Variants in CHCHD5 observed in about 807,000 individuals in gnomAD.
CHCHD5 encodes the protein coiled-coil-helix-coiled-coil-helix domain containing 5.
In CHCHD5, 10 loss-of-function variants were observed where a neutral mutation model predicts 16.0. The ratio of observed to expected loss-of-function variants is 0.63; its 90% CI spans 0.39 to 1.06. CHCHD5 has a LOEUF of 1.06. Among genes scored for constraint, CHCHD5 ranks in the 50% least tolerant of loss-of-function variants. The pLI is 0.01. For missense variants in CHCHD5, 163 were observed against 153.4 expected, an observed-to-expected ratio of 1.06 and a Z score of -0.33; for synonymous variants, 55 against 56.3, an observed-to-expected ratio of 0.98 and a Z score of 0.10.
chr2:112,584,494 G>A (rs528909726), upstream of CHCHD5: 477 of 876,152 alleles, frequency 5.4e-4, 5 homozygotes, highest in East Asian at 8.2e-3. Context: ...GAGGTAGGGC[G>A]CCGCCGTGAC....
Position 112,586,346 on chromosome 2 carries a change from G to A in CHCHD5, c.290G>A (p.Arg97His), listed in dbSNP as rs1276029855. 6.2e-6 allele frequency: 10 copies of A among 1,614,080 alleles called. 1 individual carries two copies. The highest frequency in any genetic ancestry group is 3.3e-5 in the South Asian group (3 of 91,086). The change falls in exon 3 of 4, where the codon CGC (arginine) becomes CAC (histidine). Residue 97 changes from arginine (R) to histidine (H), a missense_variant. By Grantham distance (29) the Arg-to-His change is conservative (BLOSUM62 0). Transcript: ENST00000324913. ...LQCAEQVQPP[R>H]SPATVEAQPL... ...TGCGCTGAGCAGGTGCAGCCGCCAC[G>A]CTCACCTGCAACTGTGGAGGTAAGA...
rs554568362 is a variant in CHCHD5, at chr2:112,586,265, G to C, written c.209G>C (p.Arg70Pro). The change falls in exon 3 of 4, where the codon CGA becomes CCA. Residue 70 changes from arginine (R) to proline (P), a missense_variant. Transcript: ENST00000324913. ...QPFEAFEECL[R>P]QNEAAVGNCA... ...TTTGAGGCCTTCGAGGAGTGTCTTC[G>C]ACAGAACGAGGCAGCTGTGGGCAAC... 3 of 1,614,086 alleles carry C rather than the reference G, an allele frequency of 1.9e-6. No individual in the cohort carries two copies. Among genetic ancestry groups the C allele is most frequent in the East Asian group, 2.2e-5 (1 of 44,892 alleles).
intron 1 of CHCHD5, 77 bp from the exon 2 acceptor site, chr2:112,585,897 A>G (rs1419568312): frequency 1.3e-6 from 2 of 1,511,882 alleles, no homozygotes; most frequent in East Asian, 4.6e-5. Flanking sequence ...CCCTGTCTCT[A>G]AAAAATAAAA....
intron 3 of CHCHD5, 113 bp downstream of exon 3, chr2:112,586,478 C>T (rs777153352): frequency 2.6e-6 from 4 of 1,562,448 alleles, no homozygotes; most frequent in South Asian, 1.2e-5. Flanking sequence ...CATCACCACA[C>T]AGGCCTTTGC....
chr2:112,584,569 T>A (rs1227807152), upstream of CHCHD5: 2 of 1,596,286 alleles, frequency 1.3e-6, no homozygotes, highest in African/African-American at 2.7e-5. Context: ...CAGGCTGGGC[T>A]GGGCGCCGCC....
intron 3 of CHCHD5, chr2:112,586,569 C>T (rs997355283): frequency 7.2e-6 from 11 of 1,518,094 alleles, no homozygotes; most frequent in Admixed American, 2.0e-5. Flanking sequence ...TCACCCTCCA[C>T]CTCCAGGATA....
chr2:112,587,735 A>C (rs1685263684), intron 3 of CHCHD5: 1 of 152,240 alleles, frequency 6.6e-6, no homozygotes, highest in South Asian at 2.1e-4. Flanking sequence ...GGCAGAAACT[A>C]CGACCCCTGA....
chr2:112,586,899 A>C, intron 3 of CHCHD5: 1 of 262,460 alleles, frequency 3.8e-6, no homozygotes, highest in South Asian at 7.7e-5. Context: ...TGTAAACCAG[A>C]TATACAGTAT....
chr2:112,585,074 A>G (rs908117341), intron 1 of CHCHD5, among the ~76,000 whole-genome samples: 3 of 152,044 alleles, frequency 2.0e-5, no homozygotes, highest in Non-Finnish European at 1.5e-5. Context: ...GTCCTCACCT[A>G]TAGGGTCCAC....
intron 1 of CHCHD5, 28 bp downstream of exon 1, chr2:112,584,677 C>T (rs756304407): frequency 1.9e-6 from 3 of 1,613,658 alleles, no homozygotes; most frequent in Admixed American, 3.3e-5. Flanking sequence ...CTACCCCATA[C>T]GTGCTGCCGC....
chr2:112,588,934 CACGCCCCT>C lies in CHCHD5; in HGVS notation c.*46_*53del. Reference sequence around the variant, plus strand: ...AAAACTGGACATGAATGACTGCCCCCACGCCCCTCCCCTGCAGAGTGGCCAGATGGAGT... The same window carrying C: ...AAAACTGGACATGAATGACTGCCCCCCCCCTGCAGAGTGGCCAGATGGAGT... On this transcript the variant is annotated 3_prime_UTR_variant, in exon 4 of 4. Coordinates refer to ENST00000324913, the MANE Select transcript of CHCHD5 (RefSeq NM_032309.4). 1.3e-6 allele frequency: 2 copies of C among 1,507,232 alleles called. No homozygotes were observed. Among genetic ancestry groups the C allele is most frequent in the Non-Finnish European group, 1.8e-6 (2 of 1,083,770 alleles). The allele number at this position is 1,507,232 out of a possible 1,614,324, so 93.4% of individuals were successfully genotyped here.
chr2:112,585,502 C>CA (rs1479761402), intron 1 of CHCHD5, among the ~76,000 whole-genome samples: 1 of 152,192 alleles, frequency 6.6e-6, no homozygotes, highest in African/African-American at 2.4e-5. Flanking sequence ...TTACAAGCCC[C>CA]AGGGCTGGGC....
chr2:112,584,862 C>T, intron 1 of CHCHD5: 2 of 601,854 alleles, frequency 3.3e-6, no homozygotes, highest in Non-Finnish European at 5.9e-6. Context: ...CCCTCTCGCG[C>T]TGCTTAGGAC....
At chr2:112,587,178 T>C (rs1685250930) in intron 3 of CHCHD5, 1 of 153,864 alleles carries the variant, frequency 6.5e-6, no homozygotes. Flanking sequence ...ATGCTCCATC[T>C]TGACTTTCCA....
Position 112,585,999 on chromosome 2 carries a change from C to T in CHCHD5, c.28C>T (p.Arg10Cys), listed in dbSNP as rs199607921. Residue 10 changes from arginine (R) to cysteine (C), a missense_variant, in exon 2 of 4, where the codon CGC (arginine) becomes TGC (cysteine). By Grantham distance (180) the Arg-to-Cys change is radical. Transcript: ENST00000324913. MQAALEVTA[R>C]YCGRELEQYG... ...GCAGGCGGCCCTAGAGGTCACCGCTCGCTACTGTGGCCGGGAGCTGGAGCA... is the reference window on the plus strand; with the variant it reads ...GCAGGCGGCCCTAGAGGTCACCGCTTGCTACTGTGGCCGGGAGCTGGAGCA... 1.7e-4 allele frequency: 275 copies of T among 1,614,100 alleles called. 3 individuals are homozygous for T. Among genetic ancestry groups the T allele is most frequent in the Non-Finnish European group, 2.3e-4 (267 of 1,180,038 alleles).
At chr2:112,586,953 G>C in intron 3 of CHCHD5, 1 of 176,712 alleles carries the variant, frequency 5.7e-6, no homozygotes. Flanking sequence ...TAGAACAAAA[G>C]TCTAAAATGA....
chr2:112,586,939 C>CA (rs1319361854), intron 3 of CHCHD5: 1 of 180,980 alleles, frequency 5.5e-6, no homozygotes, highest in Non-Finnish European at 1.2e-5. Flanking sequence ...CATGGTTGGG[C>CA]AATTAGAACA....
At chr2:112,588,739 C>T in intron 3 of CHCHD5, 127 bp from the exon 4 acceptor site, 1 of 738,380 alleles carries the variant, frequency 1.4e-6, no homozygotes. Context: ...GGGCCAAGGT[C>T]ATTGCCCAAC....
intron 1 of CHCHD5, chr2:112,584,914 C>A: frequency 7.2e-6 from 4 of 557,320 alleles, no homozygotes; most frequent in Non-Finnish European, 1.3e-5. Flanking sequence ...CCCCCAGTAC[C>A]CCAGGTCCGG....
Sources: allele counts gnomAD v4.1 joint callset (sites outside exome capture counted in the v4.1 genomes callset), GRCh38; gene constraint gnomAD v4.1.1; transcripts MANE v1.5; gene names NCBI Gene and HGNC (gene_info 2026-07-23, HGNC 2026-07-21).